The following CACNA1H variants were observed in gnomAD, a reference collection of about 807,000 sequenced individuals.
The protein encoded by CACNA1H is calcium voltage-gated channel subunit alpha1 H, also known as voltage-dependent T-type calcium channel subunit alpha-1H.
CACNA1H carries 149 observed loss-of-function variants against 192.5 expected under a neutral mutation model. That is an observed-to-expected ratio of 0.77 (90% CI 0.68 to 0.89). The LOEUF is 0.89. CACNA1H is among the 40% of genes least tolerant of loss of function. The pLI is 0.00. For synonymous variants in CACNA1H, 2,202 were observed against 1,475.2 expected (o/e 1.49, Z -11.29); for missense variants, 4,257 against 3,423.5 (o/e 1.24, Z -6.08).
chr16:1,192,314 G>A lies in CACNA1H; in HGVS notation c.300-2658G>A, dbSNP rs1394668592. On this transcript the variant is annotated intron_variant, in intron 2 of 34. Transcript: ENST00000348261. Reference sequence around the variant, plus strand: ...GGGACCCCTAGTCAGCTGTCTTTGAGGAGTTGCTAGGCACTGGGTGCCACC... The same window carrying A: ...GGGACCCCTAGTCAGCTGTCTTTGAAGAGTTGCTAGGCACTGGGTGCCACC... Among the ~76,000 whole-genome samples, 3 of 152,242 alleles carry A rather than the reference G, an allele frequency of 2.0e-5. No individual in the cohort carries two copies. In the East Asian group the frequency reaches 5.8e-4, roughly 29 times the overall value.
chr16:1,216,365 G>T (rs534417796), intron 30 of CACNA1H, among the ~76,000 whole-genome samples: 2 of 152,370 alleles, frequency 1.3e-5, no homozygotes, highest in South Asian at 2.1e-4. Flanking sequence ...GGGGCGTGGC[G>T]TAGGACAGGC....
chr16:1,213,864 TCTTCATCAC>T lies in CACNA1H; in HGVS notation c.4871_4879del (p.Thr1624_Ile1626del), dbSNP rs1969748424. On this transcript the variant is annotated inframe_deletion, in exon 27 of 35. Transcript: ENST00000348261. ...CTGTGCACCAGCCACTATCTCGACCTCTTCATCACCTTCATCATCTGTGTCAACGTCATC... is the reference window on the plus strand; with the variant it reads ...CTGTGCACCAGCCACTATCTCGACCTCTTCATCATCTGTGTCAACGTCATC... 1 of 1,610,550 alleles carries T rather than the reference TCTTCATCAC, an allele frequency of 6.2e-7. No individual in the cohort carries two copies. The highest frequency in any genetic ancestry group is 8.5e-7 in the Non-Finnish European group (1 of 1,178,904).
rs370716462 is a variant in CACNA1H at position 1,215,210 on chromosome 16, C to T, written c.5040-32C>T. On this transcript the variant is annotated intron_variant, in intron 28 of 34. Coordinates refer to ENST00000348261, the MANE Select transcript of CACNA1H (RefSeq NM_021098.3). ...CGCTGCTGAGCCGAGGCGGGGACCC[C>T]AGACGTGTGCGCTGAGCCTCCGGCC... 21 of 1,589,848 alleles carry T rather than the reference C, an allele frequency of 1.3e-5. No homozygotes were observed. In the African/African-American group the frequency reaches 2.8e-4, roughly 21 times the overall value.
chr16:1,207,907 C>A (rs764017360), intron 15 of CACNA1H, 47 bp downstream of exon 15: 88 of 1,547,814 alleles, frequency 5.7e-5, no homozygotes, highest in Non-Finnish European at 9.6e-6. Flanking sequence ...GTGGAGTACG[C>A]TGGGCTGGCC....
At chr16:1,163,279 G>A (rs1051310269) in intron 2 of CACNA1H, among the ~76,000 whole-genome samples, 3 of 152,258 alleles carry the variant, frequency 2.0e-5, no homozygotes, top group African/African-American at 7.2e-5. Context: ...AGGGCCAGGT[G>A]GGTGTCGGGC....
chr16:1,198,368 C>T (rs1021961362), intron 5 of CACNA1H, among the ~76,000 whole-genome samples: 4 of 152,268 alleles, frequency 2.6e-5, no homozygotes, highest in African/African-American at 9.6e-5. Flanking sequence ...GGAGACCTGG[C>T]GCCCCGCTGG....
At chr16:1,187,966 C>G (rs1428856301) in intron 2 of CACNA1H, among the ~76,000 whole-genome samples, 2 of 152,224 alleles carry the variant, frequency 1.3e-5, no homozygotes, top group Non-Finnish European at 1.5e-5. Flanking sequence ...AGGAGCCAGG[C>G]CGAGCCGTGT....
chr16:1,186,653 C>T (rs910231353), intron 2 of CACNA1H, among the ~76,000 whole-genome samples: 1 of 152,176 alleles, frequency 6.6e-6, no homozygotes, highest in African/African-American at 2.4e-5. Flanking sequence ...GTGACTCGCT[C>T]CTCCTGCCCC....
chr16:1,154,504 C>T (rs1423949571), intron 2 of CACNA1H, among the ~76,000 whole-genome samples: 2 of 152,140 alleles, frequency 1.3e-5, no homozygotes, highest in Non-Finnish European at 2.9e-5. Flanking sequence ...CAGCCGGCGC[C>T]TGGTGGTTCC....
intron 2 of CACNA1H, among the ~76,000 whole-genome samples, chr16:1,162,068 T>A (rs1963258114): frequency 1.3e-5 from 2 of 152,178 alleles, no homozygotes; most frequent in Non-Finnish European, 2.9e-5. Context: ...GTTGGTTTTC[T>A]CATCTGTGAA....
At chr16:1,159,181 T>C (rs925378584) in intron 2 of CACNA1H, among the ~76,000 whole-genome samples, 1 of 151,980 alleles carries the variant, frequency 6.6e-6, no homozygotes, top group South Asian at 2.1e-4. Flanking sequence ...CCCCGCAGAG[T>C]GCCCGGGTGT....
chr16:1,211,260 C>A lies in CACNA1H; in HGVS notation c.4316C>A (p.Ala1439Asp). Residue 1439 changes from alanine (A) to aspartate (D), a missense_variant, in exon 22 of 35, where the codon GCC (alanine) becomes GAC (aspartate). By Grantham distance (126) the Ala-to-Asp change is moderately radical. Coordinates refer to ENST00000348261, the MANE Select transcript of CACNA1H (RefSeq NM_021098.3). ...GGGAACATCGTCCTCATCTGCTGCG[C>A]CTTCTTCATCATTTTTGGCATTTTG... ...PIGNIVLICC[A>D]FFIIFGILGV... 2 of 1,613,154 alleles carry A rather than the reference C, an allele frequency of 1.2e-6. No homozygotes were observed. Among genetic ancestry groups the A allele is most frequent in the Non-Finnish European group, 1.7e-6 (2 of 1,179,770 alleles).
In CACNA1H at chr16:1,220,176, C is replaced by T. The variant is rs771719773; in HGVS notation, c.6244C>T (p.Arg2082Trp). 4.5e-5 allele frequency: 68 copies of T among 1,520,192 alleles called. No individual in the cohort carries two copies. The highest frequency in any genetic ancestry group is 1.3e-4 in the South Asian group (10 of 77,020). The allele number at this position is 1,520,192 out of a possible 1,614,324, so 94.2% of individuals were successfully genotyped here. A position where few individuals can be genotyped will look rare whatever the true frequency, so the allele number is the denominator to read the frequency against. ...CTTCGGACAGCGCTGCGTCTCCAGC[C>T]GGCCGGCGGCCCCAGGCGGAGAGGA... Reference protein sequence around the residue: ...HTFGQRCVSSRPAAPGGEEAE... With the variant: ...HTFGQRCVSSWPAAPGGEEAE... The change falls in exon 35 of 35, where the codon CGG becomes TGG. Residue 2082 changes from arginine to tryptophan, a missense_variant. Arg to Trp is a moderately radical substitution (Grantham distance 101, BLOSUM62 -3). Coordinates refer to ENST00000348261, the MANE Select transcript of CACNA1H (RefSeq NM_021098.3).
At chr16:1,194,752 C>T (rs921643153) in intron 2 of CACNA1H, among the ~76,000 whole-genome samples, 2 of 152,058 alleles carry the variant, frequency 1.3e-5, no homozygotes, top group East Asian at 1.9e-4. Flanking sequence ...GGGCCTGGGA[C>T]CCTCACGGAG....
rs374294697 is a variant in CACNA1H, at chr16:1,214,933, C to G, written c.4930-39C>G. 7.1e-5 allele frequency: 103 copies of G among 1,443,460 alleles called. No homozygotes were observed. The African/African-American group carries it at 1.2e-3, about 17-fold the overall frequency. The allele number at this position is 1,443,460 out of a possible 1,614,324, so 89.4% of individuals were successfully genotyped here. A position where few individuals can be genotyped will look rare whatever the true frequency, so the allele number is the denominator to read the frequency against. ...GGGAGCCAGGGGGAAGAGGGGTGGC[C>G]CCAGCCCCACCTCAGCCAGCCCGAC... On this transcript the variant is annotated intron_variant, in intron 27 of 34. Coordinates refer to ENST00000348261, the MANE Select transcript of CACNA1H (RefSeq NM_021098.3).
chr16:1,164,219 G>A (rs1032959765), intron 2 of CACNA1H, among the ~76,000 whole-genome samples: 10 of 152,240 alleles, frequency 6.6e-5, no homozygotes, highest in Non-Finnish European at 1.3e-4. Flanking sequence ...TTAGGGTGAG[G>A]GGTGTCCATG....
intron 10 of CACNA1H, 97 bp downstream of exon 10, chr16:1,204,555 T>C (rs1968419831): frequency 4.2e-6 from 4 of 954,684 alleles, no homozygotes; most frequent in Non-Finnish European, 6.2e-6. Context: ...CCTGACCTGA[T>C]GGTAGGACGG....
chr16:1,171,046 C>T (rs1964317760), intron 2 of CACNA1H, among the ~76,000 whole-genome samples: 1 of 152,262 alleles, frequency 6.6e-6, no homozygotes, highest in South Asian at 2.1e-4. Context: ...TAGCCCGTCC[C>T]TCCCTCTTCC....
intron 2 of CACNA1H, among the ~76,000 whole-genome samples, chr16:1,159,172 C>T (rs1962851689): frequency 6.6e-6 from 1 of 152,214 alleles, no homozygotes; most frequent in African/African-American, 2.4e-5. Context: ...TGGCCAGTTC[C>T]CCGCAGAGTG....
Sources: gnomAD v4.1 joint callset for allele counts (sites outside exome capture counted in the v4.1 genomes callset) on GRCh38, gnomAD v4.1.1 for gene constraint, MANE v1.5 for transcripts, NCBI Gene and HGNC (gene_info 2026-07-23, HGNC 2026-07-21) for gene names.